ARSB: variants seen among roughly 807,000 people sequenced by gnomAD.
The protein encoded by ARSB is N-acetylgalactosamine-4-sulfatase.
A neutral mutation model predicts 50.9 loss-of-function variants in ARSB; 41 were observed. That is an observed-to-expected ratio of 0.81 (90% confidence interval 0.63 to 1.04). The LOEUF (loss-of-function observed/expected upper bound fraction) is 1.04. ARSB is among the 50% of genes least tolerant of loss of function. ARSB has a pLI of 0.00. For synonymous variants in ARSB, 269 were observed against 284.8 expected, an observed-to-expected ratio of 0.94 and a Z score of 0.56; for missense variants, 672 against 693.3, an observed-to-expected ratio of 0.97 and a Z score of 0.35.
At chr5:78,956,086 A>G (rs1163428569) in intron 3 of ARSB, among the ~76,000 whole-genome samples, 1 of 152,236 alleles carries the variant, frequency 6.6e-6, no homozygotes, top group African/African-American at 2.4e-5. Flanking sequence ...TATTCACTGC[A>G]ACATTATTCA....
At chr5:78,852,027 G>C (rs539789407) in intron 5 of ARSB, among the ~76,000 whole-genome samples, 1 of 152,306 alleles carries the variant, frequency 6.6e-6, no homozygotes, top group African/African-American at 2.4e-5. Flanking sequence ...TTGCCAGTCT[G>C]TGTCTTTTAA....
At chr5:78,918,176 A>G (rs962243997) in intron 4 of ARSB, among the ~76,000 whole-genome samples, 2 of 152,254 alleles carry the variant, frequency 1.3e-5, no homozygotes, top group Non-Finnish European at 2.9e-5. Flanking sequence ...ATATATCTGC[A>G]CATTAGGGAT....
intron 5 of ARSB, among the ~76,000 whole-genome samples, chr5:78,881,381 G>A (rs971404979): frequency 9.2e-5 from 14 of 151,444 alleles, no homozygotes; most frequent in African/African-American, 3.4e-4. Flanking sequence ...AATAAACATG[G>A]GAAAGACATC....
chr5:78,790,908 T>C (rs552563961), intron 6 of ARSB, among the ~76,000 whole-genome samples: 53 of 152,358 alleles, frequency 3.5e-4, no homozygotes, highest in Non-Finnish European at 6.2e-4. Context: ...TTCCAGAATT[T>C]AAAGAGGGTT....
chr5:78,821,310 G>A (rs113213690), intron 6 of ARSB, among the ~76,000 whole-genome samples: 4,166 of 152,070 alleles, frequency 0.027, 200 homozygotes, highest in African/African-American at 0.094. Context: ...TAATTTTTTT[G>A]TAATTTTAGT....
rs79970603 is a variant in ARSB at position 78,885,678 on chromosome 5, T to C, written c.1048A>G (p.Ile350Val). The C allele has an allele frequency of 1.7e-4, 268 of 1,614,076 alleles. No individual in the cohort carries two copies. In the African/African-American group the frequency reaches 2.7e-3, roughly 17 times the overall value. ...KGVKNRELIH[I>V]SDWLPTLVKL... ...ACGAGTGTTGGCAGCCAGTCAGAGA[T>C]GTGGATGAGCTCCCGGTTCTTCACG... Residue 350 changes from isoleucine (I) to valine (V), a missense_variant, in exon 5 of 8, where the codon ATC (isoleucine) becomes GTC (valine). Coordinates refer to ENST00000264914, the MANE Select transcript of ARSB (RefSeq NM_000046.5).
In ARSB at chr5:78,780,300, A is replaced by C; in HGVS notation, c.*97T>G. 6.4e-7 allele frequency: 1 copy of C among 1,564,790 alleles called. No homozygotes were observed. Among genetic ancestry groups the C allele is most frequent in the Non-Finnish European group, 8.8e-7 (1 of 1,139,236 alleles). On this transcript the variant is annotated 3_prime_UTR_variant, in exon 8 of 8. Coordinates refer to ENST00000264914, the MANE Select transcript of ARSB (RefSeq NM_000046.5). ...TGGTTTAAGAGCAAGAGAAGGGCCA[A>C]GTGAACCCAGGTTGGGATAACAAAT...
At chr5:78,971,205 C>T (rs1458918155) in intron 1 of ARSB, among the ~76,000 whole-genome samples, 4 of 152,194 alleles carry the variant, frequency 2.6e-5, no homozygotes, top group East Asian at 3.8e-4. Context: ...GCCCCTGCTG[C>T]GGCATGACAG....
chr5:78,946,982 A>C (rs1751263219), intron 4 of ARSB, among the ~76,000 whole-genome samples: 1 of 152,192 alleles, frequency 6.6e-6, no homozygotes, highest in African/African-American at 2.4e-5. Flanking sequence ...CCATACATCT[A>C]CAGTGAACCC....
At chr5:78,917,506 GTTTTA>G (rs901656328) in intron 4 of ARSB, among the ~76,000 whole-genome samples, 4 of 151,750 alleles carry the variant, frequency 2.6e-5, no homozygotes, top group Admixed American at 1.3e-4. Context: ...AATTGTGTTT[GTTTTA>G]TTTTATTTTA....
intron 5 of ARSB, among the ~76,000 whole-genome samples, chr5:78,860,934 G>C (rs1338295932): frequency 3.9e-5 from 6 of 152,196 alleles, no homozygotes; most frequent in African/African-American, 1.4e-4. Context: ...GGGTATATCA[G>C]CACCAATCCC....
rs1055436904 is a variant in ARSB at position 78,825,220 on chromosome 5, C to T, written c.1213+14136G>A. Among the ~76,000 whole-genome samples the T allele has an allele frequency of 3.9e-5, 6 of 152,102 alleles. No individual in the cohort carries two copies. The South Asian group carries it at 8.3e-4, about 21-fold the overall frequency. On this transcript the variant is annotated intron_variant, in intron 6 of 7. Coordinates refer to ENST00000264914, the MANE Select transcript of ARSB (RefSeq NM_000046.5). ...GCCAAACCATCAACAATTTGGAAAG[C>T]GATTTTAAAGAGAAAATGTAAAATA...
intron 1 of ARSB, among the ~76,000 whole-genome samples, chr5:78,977,048 T>C (rs951973698): frequency 3.9e-5 from 6 of 152,224 alleles, no homozygotes; most frequent in East Asian, 3.9e-4. Context: ...TACTACCTCC[T>C]TGAAGACACC....
chr5:78,955,870 A>G (rs944990876), intron 3 of ARSB, among the ~76,000 whole-genome samples: 2 of 152,260 alleles, frequency 1.3e-5, no homozygotes, highest in African/African-American at 4.8e-5. Context: ...GATAATTTAA[A>G]AATGGAAAAG....
At chr5:78,871,727 AG>A (rs889019496) in intron 5 of ARSB, among the ~76,000 whole-genome samples, 4 of 138,320 alleles carry the variant, frequency 2.9e-5, no homozygotes, top group Non-Finnish European at 6.4e-5. Context: ...AAGAAAACCT[AG>A]GCATTACCAT....
intron 4 of ARSB, among the ~76,000 whole-genome samples, chr5:78,900,777 C>A (rs1340806912): frequency 6.6e-6 from 1 of 152,166 alleles, no homozygotes; most frequent in South Asian, 2.1e-4. Flanking sequence ...CAGTAGCTCA[C>A]GCCTGTAATC....
chr5:78,885,921 T>C, intron 4 of ARSB, 94 bp from the exon 5 acceptor site: 1 of 1,582,000 alleles, frequency 6.3e-7, no homozygotes, highest in Non-Finnish European at 8.6e-7. Context: ...TAAATGGTGC[T>C]TAAATAATAA....
chr5:78,793,996 T>C (rs757308746), intron 6 of ARSB, among the ~76,000 whole-genome samples: 1 of 152,154 alleles, frequency 6.6e-6, no homozygotes, highest in Non-Finnish European at 1.5e-5. Context: ...CAAAGCAACG[T>C]AGTACATTCT....
chr5:78,821,864 T>G (rs1027443734), intron 6 of ARSB, among the ~76,000 whole-genome samples: 12 of 152,216 alleles, frequency 7.9e-5, no homozygotes, highest in African/African-American at 2.9e-4. Context: ...CTAACTAAAC[T>G]GCTGATGCCA....
Sources: allele counts gnomAD v4.1 joint callset (sites outside exome capture counted in the v4.1 genomes callset), GRCh38; gene constraint gnomAD v4.1.1; transcripts MANE v1.5; gene names NCBI Gene and HGNC (gene_info 2026-07-23, HGNC 2026-07-21).